IQGAP2: variants seen among roughly 807,000 people sequenced by gnomAD.
IQGAP2 encodes the protein IQ motif containing GTPase activating protein 2, also known as ras GTPase-activating-like protein IQGAP2.
IQGAP2 carries 173 observed loss-of-function variants against 201.3 expected under a neutral mutation model. The observed-to-expected ratio is 0.86, with a 90% CI of 0.76 to 0.98. The LOEUF is 0.98. Among genes scored for constraint, IQGAP2 ranks in the 50% least tolerant of loss-of-function variants. IQGAP2 has a pLI of 0.00. For missense variants in IQGAP2, 1,687 were observed against 1,864.8 expected (o/e 0.90, Z 1.76); for synonymous variants, 675 against 673.9 (o/e 1.00, Z -0.03).
At chr5:76,680,988 C>G (rs1745232198) in intron 28 of IQGAP2, among the ~76,000 whole-genome samples, 1 of 149,194 alleles carries the variant, frequency 6.7e-6, no homozygotes, top group Non-Finnish European at 1.5e-5. Context: ...TGCCTGTAAT[C>G]CCAGCTACTC....
chr5:76,426,720 C>T (rs763489541), intron 1 of IQGAP2, among the ~76,000 whole-genome samples: 1 of 152,148 alleles, frequency 6.6e-6, no homozygotes, highest in South Asian at 2.1e-4. Context: ...CACTAAGGCC[C>T]CTTCCAGCTC....
At chr5:76,413,929 G>T (rs911790602) in intron 1 of IQGAP2, among the ~76,000 whole-genome samples, 1 of 152,188 alleles carries the variant, frequency 6.6e-6, no homozygotes, top group Non-Finnish European at 1.5e-5. Flanking sequence ...AGGTGAGGAA[G>T]AGGAAGTACA....
intron 15 of IQGAP2, among the ~76,000 whole-genome samples, chr5:76,632,507 T>C (rs535822206): frequency 6.6e-6 from 1 of 152,310 alleles, no homozygotes; most frequent in East Asian, 1.9e-4. Context: ...GAGCCTACAT[T>C]GTTAGCTCTG....
intron 1 of IQGAP2, among the ~76,000 whole-genome samples, chr5:76,425,657 T>G (rs945180914): frequency 1.3e-5 from 2 of 152,186 alleles, no homozygotes; most frequent in Admixed American, 6.5e-5. Context: ...AAACCCACAT[T>G]AGTTCTCATA....
chr5:76,700,892 A>G (rs970322000), intron 33 of IQGAP2, among the ~76,000 whole-genome samples, 184 bp from the exon 34 acceptor site: 1 of 152,224 alleles, frequency 6.6e-6, no homozygotes, highest in African/African-American at 2.4e-5. Flanking sequence ...CCCCACAAAC[A>G]GTTTAGTAGT....
intron 4 of IQGAP2, among the ~76,000 whole-genome samples, chr5:76,574,240 G>A (rs1387332111): frequency 6.6e-6 from 1 of 152,114 alleles, no homozygotes; most frequent in South Asian, 2.1e-4. Context: ...TTTTTTGTGT[G>A]TGCTTAGGAA....
intron 2 of IQGAP2, among the ~76,000 whole-genome samples, chr5:76,550,977 G>C (rs1258743694): frequency 4.6e-5 from 7 of 151,106 alleles, no homozygotes; most frequent in Admixed American, 6.6e-5. Context: ...GACTGGCCGG[G>C]CGGGGGCTGC....
At chr5:76,677,014 T>C in intron 27 of IQGAP2, 1 of 517,194 alleles carries the variant, frequency 1.9e-6, no homozygotes. Flanking sequence ...TCCAATCCTG[T>C]TTGAGGAGCT....
chr5:76,566,688 G>A (rs1308399109), intron 3 of IQGAP2, among the ~76,000 whole-genome samples: 1 of 152,026 alleles, frequency 6.6e-6, no homozygotes, highest in African/African-American at 2.4e-5. Context: ...TCCAGTGAGG[G>A]GATAACTCAG....
intron 2 of IQGAP2, among the ~76,000 whole-genome samples, chr5:76,497,852 C>A (rs1404081837): frequency 2.6e-5 from 4 of 152,200 alleles, no homozygotes; most frequent in Non-Finnish European, 5.9e-5. Flanking sequence ...GGTTAAGAGG[C>A]CCTGAAGAAT....
intron 1 of IQGAP2, among the ~76,000 whole-genome samples, chr5:76,428,187 T>C (rs1752123028): frequency 6.6e-6 from 1 of 152,126 alleles, no homozygotes; most frequent in African/African-American, 2.4e-5. Flanking sequence ...TTGGCCTGCC[T>C]TTCTGCTTGC....
chr5:76,520,388 C>G (rs547580643), intron 2 of IQGAP2, among the ~76,000 whole-genome samples: 2 of 152,276 alleles, frequency 1.3e-5, no homozygotes, highest in African/African-American at 4.8e-5. Context: ...TCTCGAACTC[C>G]CGACCTCAGG....
intron 12 of IQGAP2, among the ~76,000 whole-genome samples, chr5:76,610,114 ATTTTTTTTTTTTTTT>A (rs34917876): frequency 4.0e-4 from 4 of 9,888 alleles, no homozygotes; most frequent in African/African-American, 1.8e-3. Context: ...ATATATATAT[ATTTTTTTTTTTTTTT>A]TTTTTTTTTT....
chr5:76,493,874 C>G (rs1352559216), intron 2 of IQGAP2, among the ~76,000 whole-genome samples: 1 of 152,212 alleles, frequency 6.6e-6, no homozygotes, highest in Non-Finnish European at 1.5e-5. Flanking sequence ...CCTGTCACAG[C>G]CTAAATTCCA....
chr5:76,431,139 C>T (rs1752345825), intron 1 of IQGAP2, among the ~76,000 whole-genome samples: 4 of 151,934 alleles, frequency 2.6e-5, no homozygotes. Context: ...TAGTGGATTT[C>T]TACTGTAGAT....
intron 27 of IQGAP2, among the ~76,000 whole-genome samples, chr5:76,675,117 C>T (rs1364674080): frequency 6.6e-6 from 1 of 152,188 alleles, no homozygotes; most frequent in South Asian, 2.1e-4. Flanking sequence ...TGCTTATCTA[C>T]GTCAGATACA....
At chr5:76,657,435 ATTTATGCAGTTGTTTGTGG>A (rs1301140378) in intron 20 of IQGAP2, among the ~76,000 whole-genome samples, 1 of 152,226 alleles carries the variant, frequency 6.6e-6, no homozygotes, top group Admixed American at 6.5e-5. Context: ...AATAAAGGCC[ATTTATGCAGTTGTTTGTGG>A]TTTATGCAGT....
chr5:76,593,037 A>G (rs1746767804), intron 9 of IQGAP2, 112 bp downstream of exon 9: 2 of 744,568 alleles, frequency 2.7e-6, no homozygotes, highest in South Asian at 3.5e-5. Context: ...GCCTTATACA[A>G]TGAAAAATCT....
chr5:76,442,104 C>T (rs1753077127), intron 1 of IQGAP2, among the ~76,000 whole-genome samples: 1 of 152,032 alleles, frequency 6.6e-6, no homozygotes, highest in African/African-American at 2.4e-5. Flanking sequence ...TGATCTTATC[C>T]CCCCATCAGA....
Sources: allele counts gnomAD v4.1 joint callset (sites outside exome capture counted in the v4.1 genomes callset), GRCh38; gene constraint gnomAD v4.1.1; transcripts MANE v1.5; gene names NCBI Gene and HGNC (gene_info 2026-07-23, HGNC 2026-07-21).